The following NUBPL variants were observed in gnomAD, a reference collection of about 807,000 sequenced individuals.
NUBPL encodes iron-sulfur cluster transfer protein NUBPL.
In NUBPL, 31 loss-of-function variants were observed where a neutral mutation model predicts 45.7. The observed-to-expected ratio is 0.68, with a 90% CI of 0.51 to 0.92. The LOEUF is 0.92. Among genes scored for constraint, NUBPL ranks in the 40% least tolerant of loss-of-function variants. The pLI is 0.00. For missense variants in NUBPL, 401 were observed against 398.7 expected (o/e 1.01, Z -0.05); for synonymous variants, 144 against 140.9 (o/e 1.02, Z -0.15).
chr14:31,639,200 T>C (rs929310627), intron 4 of NUBPL, among the ~76,000 whole-genome samples: 3 of 152,158 alleles, frequency 2.0e-5, no homozygotes, highest in Non-Finnish European at 2.9e-5. Context: ...CTCCATTTTT[T>C]CCCCATCTTT....
chr14:31,783,045 A>G (rs965563219), intron 6 of NUBPL, among the ~76,000 whole-genome samples: 2 of 152,158 alleles, frequency 1.3e-5, no homozygotes, highest in Non-Finnish European at 2.9e-5. Context: ...ATGGAAATCC[A>G]AACACCAGAG....
At chr14:31,652,694 A>G (rs1026815021) in intron 4 of NUBPL, among the ~76,000 whole-genome samples, 5 of 152,190 alleles carry the variant, frequency 3.3e-5, no homozygotes, top group Non-Finnish European at 5.9e-5. Context: ...TTATAAAACC[A>G]TCAAGTTTGT....
intron 7 of NUBPL, among the ~76,000 whole-genome samples, chr14:31,813,408 T>C (rs1335246383): frequency 1.3e-5 from 2 of 151,830 alleles, no homozygotes; most frequent in African/African-American, 2.4e-5. Context: ...TATCCAGATT[T>C]CTTTGGCGAA....
rs79060507 is a variant in NUBPL at position 31,745,709 on chromosome 14, A to G, written c.514-42071A>G. Among the ~76,000 whole-genome samples, 576 of 152,088 alleles carry G rather than the reference A, an allele frequency of 3.8e-3. 11 individuals carry two copies. The highest frequency in any genetic ancestry group is 0.013 in the South Asian group (62 of 4,826). On this transcript the variant is annotated intron_variant, in intron 6 of 10. Transcript: ENST00000281081. ...TGGAGTTTGTGGGGTGCACGGTAAC[A>G]TATTCAGGCTTATGTACAAGGCATT...
In NUBPL at chr14:31,780,257, A is replaced by G. The variant is rs564898315; in HGVS notation, c.514-7523A>G. Among the ~76,000 whole-genome samples the G allele has an allele frequency of 3.3e-5, 5 of 150,844 alleles. No homozygotes were observed. In the South Asian group the frequency reaches 6.3e-4, roughly 19 times the overall value. On this transcript the variant is annotated intron_variant, in intron 6 of 10. Coordinates refer to ENST00000281081, the MANE Select transcript of NUBPL (RefSeq NM_025152.3). ...TTTTGTATTTTTTTTTTTAGTAGAG[A>G]TGGGGTTTCACCAAGTTGGCCAGGC...
intron 6 of NUBPL, among the ~76,000 whole-genome samples, chr14:31,741,769 T>G (rs1279070502): frequency 6.6e-6 from 1 of 152,088 alleles, no homozygotes; most frequent in East Asian, 1.9e-4. Context: ...TCTACATGGA[T>G]AAATTGTGGT....
At chr14:31,697,895 C>T (rs773674183) in intron 6 of NUBPL, among the ~76,000 whole-genome samples, 2 of 152,138 alleles carry the variant, frequency 1.3e-5, no homozygotes, top group Non-Finnish European at 2.9e-5. Flanking sequence ...TACCCTATCT[C>T]TTTTGGTGCA....
At chr14:31,625,385 A>G (rs2035177945) in intron 4 of NUBPL, among the ~76,000 whole-genome samples, 1 of 152,120 alleles carries the variant, frequency 6.6e-6, no homozygotes, top group Non-Finnish European at 1.5e-5. Flanking sequence ...GAAATCAATC[A>G]TTTGGGAATC....
chr14:31,813,536 T>TACAC (rs144075915), intron 7 of NUBPL, among the ~76,000 whole-genome samples: 9,721 of 149,504 alleles, frequency 0.065, 403 homozygotes, highest in Non-Finnish European at 0.092. Flanking sequence ...CATACATCCA[T>TACAC]ACACACACAC....
intron 7 of NUBPL, among the ~76,000 whole-genome samples, chr14:31,799,408 T>A (rs1254994091): frequency 6.6e-6 from 1 of 152,178 alleles, no homozygotes; most frequent in Non-Finnish European, 1.5e-5. Flanking sequence ...TAAACATCCC[T>A]GCAAGAAATA....
chr14:31,782,095 T>G (rs757353871), intron 6 of NUBPL, among the ~76,000 whole-genome samples: 23 of 152,182 alleles, frequency 1.5e-4, no homozygotes, highest in Admixed American at 5.9e-4. Context: ...TTATAATTTT[T>G]TCTTATTAAA....
chr14:31,666,471 G>A (rs1303300385), intron 4 of NUBPL, among the ~76,000 whole-genome samples: 1 of 151,252 alleles, frequency 6.6e-6, no homozygotes, highest in Non-Finnish European at 1.5e-5. Flanking sequence ...GACCATATTG[G>A]TCAGGCTGGT....
At chr14:31,815,003 T>G (rs560163986) in intron 7 of NUBPL, among the ~76,000 whole-genome samples, 1 of 152,326 alleles carries the variant, frequency 6.6e-6, no homozygotes, top group African/African-American at 2.4e-5. Context: ...TCGCTTAGGA[T>G]TGTCTTGGCT....
At chr14:31,618,049 A>G (rs1445157875) in intron 4 of NUBPL, among the ~76,000 whole-genome samples, 4 of 152,132 alleles carry the variant, frequency 2.6e-5, no homozygotes, top group African/African-American at 7.2e-5. Context: ...TAGATTTTCT[A>G]GTTTATTTCC....
intron 6 of NUBPL, among the ~76,000 whole-genome samples, chr14:31,776,746 G>T (rs111272036): frequency 2.0e-5 from 3 of 152,122 alleles, no homozygotes; most frequent in African/African-American, 4.8e-5. Context: ...GTTCCAAATC[G>T]CCCCTTTATT....
chr14:31,631,523 G>A (rs535809607), intron 4 of NUBPL, among the ~76,000 whole-genome samples: 19 of 147,234 alleles, frequency 1.3e-4, no homozygotes, highest in African/African-American at 4.8e-4. Flanking sequence ...TTTATTATAA[G>A]GAATTGGCTC....
At chr14:31,767,104 G>C (rs915945118) in intron 6 of NUBPL, among the ~76,000 whole-genome samples, 1 of 152,102 alleles carries the variant, frequency 6.6e-6, no homozygotes, top group African/African-American at 2.4e-5. Flanking sequence ...TAATTAAGCT[G>C]ACTTCTGATC....
chr14:31,672,220 A>C (rs2036586600), intron 4 of NUBPL, among the ~76,000 whole-genome samples: 1 of 151,876 alleles, frequency 6.6e-6, no homozygotes, highest in Admixed American at 6.6e-5. Context: ...TTTTAAGCTA[A>C]GTAAAGGAAC....
At chr14:31,640,641 A>G (rs1437176231) in intron 4 of NUBPL, among the ~76,000 whole-genome samples, 5 of 151,432 alleles carry the variant, frequency 3.3e-5, no homozygotes, top group African/African-American at 7.3e-5. Flanking sequence ...AAGAAACACT[A>G]ATTAGATTAA....
Sources: gnomAD v4.1 joint callset for allele counts (sites outside exome capture counted in the v4.1 genomes callset) on GRCh38, gnomAD v4.1.1 for gene constraint, MANE v1.5 for transcripts, NCBI Gene and HGNC (gene_info 2026-07-23, HGNC 2026-07-21) for gene names.